ADGRB3: variants seen among roughly 807,000 people sequenced by gnomAD.
ADGRB3 encodes the protein adhesion G protein-coupled receptor B3, also known as brain-specific angiogenesis inhibitor 3.
In ADGRB3, 37 loss-of-function variants were observed where a neutral mutation model predicts 193.4. The observed-to-expected ratio is 0.19, with a 90% CI of 0.15 to 0.25. The LOEUF is 0.25. Among genes scored for constraint, ADGRB3 ranks in the 10% least tolerant of loss-of-function variants. ADGRB3 has a pLI of 1.00. For synonymous variants in ADGRB3, 690 were observed against 644.2 expected, an observed-to-expected ratio of 1.07 and a Z score of -1.08; for missense variants, 1,637 against 1,852.9, an observed-to-expected ratio of 0.88 and a Z score of 2.14.
chr6:68,883,767 T>C (rs993663127), intron 3 of ADGRB3, among the ~76,000 whole-genome samples: 1 of 152,162 alleles, frequency 6.6e-6, no homozygotes, highest in Non-Finnish European at 1.5e-5. Flanking sequence ...GTCACCTTTA[T>C]AGAACTGTAA....
At chr6:69,175,967 A>G (rs1276010102) in intron 17 of ADGRB3, among the ~76,000 whole-genome samples, 3 of 152,170 alleles carry the variant, frequency 2.0e-5, no homozygotes, top group Admixed American at 6.5e-5. Flanking sequence ...TAGAAATGCT[A>G]TTGATTTTGG....
chr6:69,161,970 G>A (rs544276615), intron 17 of ADGRB3, among the ~76,000 whole-genome samples: 9 of 152,118 alleles, frequency 5.9e-5, no homozygotes, highest in East Asian at 1.9e-4. Context: ...TGGAAGTTAC[G>A]TCCTATTATA....
chr6:69,210,861 A>C (rs1366700014), intron 17 of ADGRB3, among the ~76,000 whole-genome samples: 2 of 151,948 alleles, frequency 1.3e-5, no homozygotes, highest in Non-Finnish European at 2.9e-5. Context: ...CACGCCTGTA[A>C]TCCCAGCACT....
chr6:68,920,424 A>C (rs1191028431), intron 3 of ADGRB3, among the ~76,000 whole-genome samples: 1 of 148,688 alleles, frequency 6.7e-6, no homozygotes, highest in South Asian at 2.2e-4. Flanking sequence ...AGGCTGAGGC[A>C]GGAGAATGAC....
At chr6:68,825,201 G>A (rs981015706) in intron 3 of ADGRB3, among the ~76,000 whole-genome samples, 2 of 151,362 alleles carry the variant, frequency 1.3e-5, no homozygotes, top group South Asian at 4.2e-4. Context: ...TTTTTTTTTC[G>A]TAAATTAATC....
chr6:68,685,943 C>T lies in ADGRB3; in HGVS notation c.757+46511C>T, dbSNP rs145611310. Among the ~76,000 whole-genome samples the T allele has an allele frequency of 1.6e-4, 25 of 152,224 alleles. No individual in the cohort carries two copies. In the East Asian group the frequency reaches 1.9e-3, roughly 12 times the overall value. On this transcript the variant is annotated intron_variant, in intron 3 of 31. Coordinates refer to ENST00000370598, the MANE Select transcript of ADGRB3 (RefSeq NM_001704.3). ...AACATAAGCTTCCTAAAGTGTAAGA[C>T]GCTTTTGTAAGTGATGATACCAGTC... is the stretch of plus-strand genomic sequence containing the variant.
intron 20 of ADGRB3, among the ~76,000 whole-genome samples, chr6:69,309,960 TCCACCCTTCC>T (rs1299253650): frequency 2.6e-5 from 4 of 151,658 alleles, no homozygotes; most frequent in African/African-American, 9.7e-5. Flanking sequence ...CCCTTCCTTC[TCCACCCTTCC>T]CCACCCTGTC....
At chr6:68,981,529 T>C (rs1055584021) in intron 10 of ADGRB3, among the ~76,000 whole-genome samples, 1 of 151,708 alleles carries the variant, frequency 6.6e-6, no homozygotes, top group Non-Finnish European at 1.5e-5. Context: ...ACTTTATGTA[T>C]TGTATTATAA....
chr6:68,926,156 T>C (rs1245813382), intron 3 of ADGRB3, among the ~76,000 whole-genome samples: 8 of 152,146 alleles, frequency 5.3e-5, no homozygotes, highest in African/African-American at 1.9e-4. Flanking sequence ...ATGCAAAATT[T>C]GTTTGTTTGA....
intron 3 of ADGRB3, among the ~76,000 whole-genome samples, chr6:68,745,033 T>G (rs2127344022): frequency 6.6e-6 from 1 of 152,244 alleles, no homozygotes; most frequent in Middle Eastern, 3.4e-3. Flanking sequence ...ACCTATAGCC[T>G]GTGGGTGAGT....
chr6:69,097,106 TAC>T (rs968167281), intron 17 of ADGRB3, among the ~76,000 whole-genome samples: 1 of 152,228 alleles, frequency 6.6e-6, no homozygotes, highest in Non-Finnish European at 1.5e-5. Context: ...AACTAAATAC[TAC>T]AGTCTGTTTC....
At position 68,648,733 on chromosome 6, in the gene ADGRB3, A is replaced by G. The variant is rs187842753; in HGVS notation, c.757+9301A>G. ...ACTAGATGAGTAGTACACAATATTCATTTCATGACATTTCTCCTGGTGTTC... is the reference window on the plus strand; with the variant it reads ...ACTAGATGAGTAGTACACAATATTCGTTTCATGACATTTCTCCTGGTGTTC... On this transcript the variant is annotated intron_variant, in intron 3 of 31. Transcript: ENST00000370598. 3.4e-4 allele frequency among the ~76,000 whole-genome samples: 51 copies of G among 149,512 alleles called. 1 individual carries two copies. Among genetic ancestry groups the G allele is most frequent in the African/African-American group, 1.2e-3 (49 of 40,486 alleles).
At chr6:69,120,333 C>G (rs540807520) in intron 17 of ADGRB3, among the ~76,000 whole-genome samples, 10 of 152,350 alleles carry the variant, frequency 6.6e-5, no homozygotes, top group African/African-American at 2.4e-4. Context: ...CAATAAGGAG[C>G]TCTGGCCATG....
chr6:68,705,222 C>G (rs1204423224), intron 3 of ADGRB3, among the ~76,000 whole-genome samples: 1 of 152,126 alleles, frequency 6.6e-6, no homozygotes, highest in East Asian at 1.9e-4. Flanking sequence ...CTGTAACACT[C>G]AATATAATGT....
chr6:68,964,701 C>T (rs556824844), intron 8 of ADGRB3, among the ~76,000 whole-genome samples: 1 of 152,128 alleles, frequency 6.6e-6, no homozygotes, highest in Admixed American at 6.6e-5. Context: ...ACCTTGTCTG[C>T]TAAGTTTAAA....
intron 17 of ADGRB3, among the ~76,000 whole-genome samples, chr6:69,127,998 C>A (rs1026423689): frequency 1.6e-4 from 24 of 151,554 alleles, no homozygotes; most frequent in African/African-American, 2.9e-4. Flanking sequence ...CCATCTCTCT[C>A]GAGAGAAAAG....
intron 3 of ADGRB3, among the ~76,000 whole-genome samples, chr6:68,817,040 T>G (rs1003403088): frequency 1.3e-5 from 2 of 151,902 alleles, no homozygotes. Flanking sequence ...TAAACTTGTA[T>G]TTCATGCCCT....
chr6:69,075,912 T>C (rs1444859332), intron 16 of ADGRB3, 83 bp from the exon 17 acceptor site: 4 of 1,008,576 alleles, frequency 4.0e-6, no homozygotes, highest in Non-Finnish European at 6.1e-6. Flanking sequence ...AAATCTTCCA[T>C]TCTGTTTCTA....
chr6:69,185,713 T>C (rs1232988436), intron 17 of ADGRB3, among the ~76,000 whole-genome samples: 1 of 152,200 alleles, frequency 6.6e-6, no homozygotes, highest in Non-Finnish European at 1.5e-5. Context: ...GTATGCACCT[T>C]ATCTTTCAAA....
Sources: gnomAD v4.1 joint callset for allele counts (sites outside exome capture counted in the v4.1 genomes callset) on GRCh38, gnomAD v4.1.1 for gene constraint, MANE v1.5 for transcripts, NCBI Gene and HGNC (gene_info 2026-07-23, HGNC 2026-07-21) for gene names.